Variants in CCSER1 observed in about 807,000 individuals in gnomAD.
The protein encoded by CCSER1 is coiled-coil serine rich protein 1, also known as serine-rich coiled-coil domain-containing protein 1.
Under a neutral mutation model 82.0 loss-of-function variants are expected in CCSER1, and 41 were observed. That is an observed-to-expected ratio of 0.50 (90% CI 0.39 to 0.65). CCSER1 has a LOEUF of 0.65. Among genes scored for constraint, CCSER1 ranks in the 30% least tolerant of loss-of-function variants. CCSER1 has a pLI of 0.00. For missense variants in CCSER1, 1,119 were observed against 1,064.2 expected (o/e 1.05, Z -0.72); for synonymous variants, 414 against 383.9 (o/e 1.08, Z -0.92).
intron 7 of CCSER1, among the ~76,000 whole-genome samples, chr4:90,797,240 CCTTGT>C (rs1375646474): frequency 6.6e-6 from 1 of 152,016 alleles, no homozygotes; most frequent in Non-Finnish European, 1.5e-5. Context: ...TATGTATTGT[CCTTGT>C]CTTTTATTTT....
chr4:90,439,749 T>C (rs1759579817), intron 4 of CCSER1, among the ~76,000 whole-genome samples: 1 of 152,196 alleles, frequency 6.6e-6, no homozygotes, highest in African/African-American at 2.4e-5. Flanking sequence ...CTTTGCTTGC[T>C]GGACTGGATT....
At chr4:90,489,656 G>T (rs567149158) in intron 5 of CCSER1, among the ~76,000 whole-genome samples, 1 of 152,044 alleles carries the variant, frequency 6.6e-6, no homozygotes, top group Non-Finnish European at 1.5e-5. Flanking sequence ...ATTTCCTAAC[G>T]ATATCCATCC....
intron 10 of CCSER1, among the ~76,000 whole-genome samples, chr4:91,474,765 GTGTATATATATATATATTTGTGTATATA>G: frequency 7.4e-6 from 1 of 134,834 alleles, no homozygotes; most frequent in Non-Finnish European, 1.6e-5. Context: ...ACACATGTGT[GTGTATATATATATATATTTGTGTATATA>G]TATATATATA....
intron 5 of CCSER1, among the ~76,000 whole-genome samples, chr4:90,554,539 A>G (rs1282952910): frequency 1.3e-5 from 2 of 152,220 alleles, no homozygotes; most frequent in African/African-American, 4.8e-5. Context: ...CTGGATGCCT[A>G]CATTGTTCCT....
chr4:91,513,638 G>A (rs749770537), intron 10 of CCSER1, among the ~76,000 whole-genome samples: 6 of 152,028 alleles, frequency 3.9e-5, no homozygotes, highest in Non-Finnish European at 7.4e-5. Context: ...TTCAGTTTTG[G>A]AACATGATAT....
intron 10 of CCSER1, among the ~76,000 whole-genome samples, chr4:91,513,519 A>G (rs1438552647): frequency 6.6e-6 from 1 of 152,078 alleles, no homozygotes; most frequent in African/African-American, 2.4e-5. Context: ...GTTTTTTTGA[A>G]TAGTTTCAGT....
chr4:90,389,470 T>C (rs1157838050), intron 3 of CCSER1, among the ~76,000 whole-genome samples: 2 of 152,212 alleles, frequency 1.3e-5, no homozygotes, highest in Admixed American at 1.3e-4. Flanking sequence ...AAACTGCTGT[T>C]CTTCATCAAA....
At chr4:91,325,477 G>T (rs1486860352) in intron 10 of CCSER1, among the ~76,000 whole-genome samples, 1 of 152,158 alleles carries the variant, frequency 6.6e-6, no homozygotes, top group Admixed American at 6.5e-5. Context: ...GGGAGAATGG[G>T]TAACAGATAG....
intron 9 of CCSER1, among the ~76,000 whole-genome samples, chr4:90,978,789 G>A (rs1235695389): frequency 2.0e-5 from 3 of 151,678 alleles, no homozygotes; most frequent in Non-Finnish European, 2.9e-5. Flanking sequence ...AGTCATTGAT[G>A]GGAATTGTTT....
At chr4:90,673,422 C>T (rs1733186008) in intron 6 of CCSER1, among the ~76,000 whole-genome samples, 1 of 151,920 alleles carries the variant, frequency 6.6e-6, no homozygotes. Context: ...TACTCACATA[C>T]CTGTGCATAT....
intron 10 of CCSER1, among the ~76,000 whole-genome samples, chr4:91,148,483 T>G (rs1164555004): frequency 1.3e-5 from 2 of 151,984 alleles, no homozygotes; most frequent in African/African-American, 4.8e-5. Context: ...ATTTATTTAT[T>G]TATTTATTTT....
chr4:90,756,244 A>T (rs1287741767), intron 7 of CCSER1, among the ~76,000 whole-genome samples: 1 of 152,116 alleles, frequency 6.6e-6, no homozygotes, highest in Non-Finnish European at 1.5e-5. Context: ...ACAAATTAAT[A>T]AGTAAAATAA....
At chr4:91,057,663 A>G (rs976081938) in intron 9 of CCSER1, among the ~76,000 whole-genome samples, 2 of 152,138 alleles carry the variant, frequency 1.3e-5, no homozygotes, top group African/African-American at 4.8e-5. Flanking sequence ...GAACAAGCTT[A>G]CCCACTCTCT....
intron 1 of CCSER1, among the ~76,000 whole-genome samples, chr4:90,181,267 T>C (rs1349371516): frequency 6.6e-6 from 1 of 152,142 alleles, no homozygotes; most frequent in African/African-American, 2.4e-5. Context: ...CATTTGATAA[T>C]AATCAGCTAG....
intron 5 of CCSER1, among the ~76,000 whole-genome samples, chr4:90,519,149 C>CCATT (rs1334838363): frequency 6.6e-6 from 1 of 151,752 alleles, no homozygotes; most frequent in Admixed American, 6.6e-5. Flanking sequence ...TCTAAAATCT[C>CCATT]CATTCATTCA....
chr4:90,768,449 T>G (rs1189539763), intron 7 of CCSER1, among the ~76,000 whole-genome samples: 3 of 152,208 alleles, frequency 2.0e-5, no homozygotes, highest in Admixed American at 2.0e-4. Context: ...TTGTGATAAT[T>G]TGTTAAATAA....
chr4:90,845,258 C>T lies in CCSER1; in HGVS notation c.2094+29413C>T, dbSNP rs754156620. 2.8e-4 allele frequency among the ~76,000 whole-genome samples: 42 copies of T among 149,520 alleles called. No individual in the cohort carries two copies. The Middle Eastern group carries it at 0.01, about 37-fold the overall frequency. ...GCGCCTGTAATCCCAGCTACTAGGGCGGCTAAGACAGAAAAATCGCTAGAA... is the reference window on the plus strand; with the variant it reads ...GCGCCTGTAATCCCAGCTACTAGGGTGGCTAAGACAGAAAAATCGCTAGAA... On this transcript the variant is annotated intron_variant, in intron 8 of 10. Transcript: ENST00000509176.
rs1172833427 is a variant in CCSER1 at position 90,308,685 on chromosome 4, A to G, written c.401A>G (p.Asp134Gly). Residue 134 changes from aspartate (D) to glycine (G), a missense_variant, in exon 2 of 11, where the codon GAT becomes GGT. By Grantham distance (94) the Asp-to-Gly change is moderately conservative. Transcript: ENST00000509176. ...AAGATAACAAGATCTTTGACAGAGGATTTTGAAAGGGAAAAAGAGCACTCA... is the reference window on the plus strand; with the variant it reads ...AAGATAACAAGATCTTTGACAGAGGGTTTTGAAAGGGAAAAAGAGCACTCA... Reference protein sequence around the residue: ...NKKITRSLTEDFEREKEHSTN... With the variant: ...NKKITRSLTEGFEREKEHSTN... 6.2e-7 allele frequency: 1 copy of G among 1,613,536 alleles called. No homozygotes were observed. The highest frequency in any genetic ancestry group is 8.5e-7 in the Non-Finnish European group (1 of 1,179,752).
Position 91,186,720 on chromosome 4 carries a change from A to G in CCSER1, c.2217+100726A>G, listed in dbSNP as rs550781461. Among the ~76,000 whole-genome samples, 98 of 152,322 alleles carry G rather than the reference A, an allele frequency of 6.4e-4. 2 individuals are homozygous for G. The Middle Eastern group carries it at 0.031, about 48-fold the overall frequency. ...TTTCTATAGATATTAAATTAACTAA[A>G]AGTATCCCTTATGGGAAATGAAGGG... On this transcript the variant is annotated intron_variant, in intron 10 of 10. Coordinates refer to ENST00000509176, the MANE Select transcript of CCSER1 (RefSeq NM_001145065.2).
Sources: allele counts gnomAD v4.1 joint callset (sites outside exome capture counted in the v4.1 genomes callset), GRCh38; gene constraint gnomAD v4.1.1; transcripts MANE v1.5; gene names NCBI Gene and HGNC (gene_info 2026-07-23, HGNC 2026-07-21).